CAB39L: variants seen among roughly 807,000 people sequenced by gnomAD.
CAB39L encodes the protein calcium-binding protein 39-like.
Under a neutral mutation model 39.1 loss-of-function variants are expected in CAB39L, and 23 were observed. The observed-to-expected ratio is 0.59, with a 90% CI of 0.42 to 0.83. CAB39L has a LOEUF of 0.83. Ranked by LOEUF, CAB39L falls within the 40% of genes least tolerant of loss-of-function variation. The pLI is 0.00. For missense variants in CAB39L, 366 were observed against 391.9 expected (o/e 0.93, Z 0.56); for synonymous variants, 126 against 137.2 (o/e 0.92, Z 0.57).
At chr13:49,344,396 T>TACA (rs1160451035) in intron 7 of CAB39L, among the ~76,000 whole-genome samples, 158 bp from the exon 8 acceptor site, 1 of 152,186 alleles carries the variant, frequency 6.6e-6, no homozygotes, top group East Asian at 1.9e-4. Flanking sequence ...AGATGTGAAA[T>TACA]ACAAGTTTGT....
intron 1 of CAB39L, among the ~76,000 whole-genome samples, chr13:49,434,566 A>G (rs1957378420): frequency 1.3e-5 from 2 of 152,186 alleles, no homozygotes; most frequent in African/African-American, 4.8e-5. Flanking sequence ...TCCAACAACT[A>G]TCAACATTTT....
At chr13:49,327,226 G>A (rs138645500) in intron 10 of CAB39L, among the ~76,000 whole-genome samples, 49 of 151,828 alleles carry the variant, frequency 3.2e-4, no homozygotes, top group Middle Eastern at 3.4e-3. Flanking sequence ...GTATGATATC[G>A]CTTATTCTCT....
chr13:49,420,874 A>G (rs1008753826), intron 3 of CAB39L, among the ~76,000 whole-genome samples: 1 of 152,234 alleles, frequency 6.6e-6, no homozygotes, highest in Admixed American at 6.5e-5. Flanking sequence ...TACATTTAAT[A>G]TAACAGTAAA....
intron 1 of CAB39L, among the ~76,000 whole-genome samples, chr13:49,439,920 G>GTTTTTTTTTT (rs1270438947): frequency 6.3e-4 from 26 of 41,342 alleles, no homozygotes; most frequent in African/African-American, 2.0e-3. Context: ...CTTTTTAATG[G>GTTTTTTTTTT]GTTTTTTTTT....
intron 3 of CAB39L, among the ~76,000 whole-genome samples, chr13:49,387,522 T>G (rs1376694057): frequency 2.0e-5 from 3 of 152,158 alleles, no homozygotes; most frequent in Non-Finnish European, 4.4e-5. Flanking sequence ...CAGCAGGCCA[T>G]GCAGCACAGA....
chr13:49,323,583 C>T (rs1462982679), intron 10 of CAB39L, among the ~76,000 whole-genome samples: 3 of 151,446 alleles, frequency 2.0e-5, no homozygotes, highest in Non-Finnish European at 4.4e-5. Context: ...GGGGAAGCCG[C>T]CTGCACAAAA....
chr13:49,369,444 C>T (rs1013179253), intron 5 of CAB39L, among the ~76,000 whole-genome samples: 1 of 152,222 alleles, frequency 6.6e-6, no homozygotes, highest in African/African-American at 2.4e-5. Context: ...GTTATGCTGA[C>T]AGAAGCCAGG....
chr13:49,383,745 C>T (rs778647703), intron 3 of CAB39L, among the ~76,000 whole-genome samples: 3 of 152,214 alleles, frequency 2.0e-5, no homozygotes, highest in Admixed American at 6.5e-5. Flanking sequence ...AGCACACCAA[C>T]ATGGCACATG....
chr13:49,429,992 G>A (rs927196287), intron 3 of CAB39L, among the ~76,000 whole-genome samples: 1 of 151,768 alleles, frequency 6.6e-6, no homozygotes, highest in East Asian at 1.9e-4. Context: ...ACATTCATTT[G>A]TACAAAAAAA....
chr13:49,312,358 G>A (rs748342337), intron 10 of CAB39L, among the ~76,000 whole-genome samples: 2 of 152,180 alleles, frequency 1.3e-5, no homozygotes, highest in Non-Finnish European at 2.9e-5. Flanking sequence ...TGCCAGTCCT[G>A]TAAGCTCCAT....
intron 10 of CAB39L, among the ~76,000 whole-genome samples, chr13:49,320,728 G>T (rs376906872): frequency 6.6e-6 from 1 of 152,106 alleles, no homozygotes; most frequent in Non-Finnish European, 1.5e-5. Context: ...CCACCCCATC[G>T]AAGTGTCAAA....
At chr13:49,329,572 T>C (rs1190709581) in intron 10 of CAB39L, among the ~76,000 whole-genome samples, 3 of 79,192 alleles carry the variant, frequency 3.8e-5, no homozygotes, top group African/African-American at 1.6e-4. Context: ...TATATATATA[T>C]ATATATATAT....
At chr13:49,348,688 T>C (rs1201543056) in intron 7 of CAB39L, among the ~76,000 whole-genome samples, 1 of 152,128 alleles carries the variant, frequency 6.6e-6, no homozygotes, top group African/African-American at 2.4e-5. Context: ...TTCCAAATAT[T>C]CCCATCATTC....
At chr13:49,410,952 GT>G (rs1956977339) in intron 3 of CAB39L, among the ~76,000 whole-genome samples, 1 of 151,830 alleles carries the variant, frequency 6.6e-6, no homozygotes, top group Admixed American at 6.6e-5. Flanking sequence ...AGAACAATTA[GT>G]TTTAATAACT....
chr13:49,344,060 G>C (rs1387189980), intron 8 of CAB39L, 119 bp downstream of exon 8: 1 of 693,330 alleles, frequency 1.4e-6, no homozygotes, highest in Admixed American at 2.8e-5. Flanking sequence ...AGACAAATCA[G>C]GAGTATGGTT....
intron 9 of CAB39L, among the ~76,000 whole-genome samples, chr13:49,333,929 G>A (rs1422780510): frequency 6.6e-6 from 1 of 152,088 alleles, no homozygotes; most frequent in Non-Finnish European, 1.5e-5. Context: ...CTGCTGGACT[G>A]TCACACTTAG....
chr13:49,442,801 A>AT (rs1957557188), intron 1 of CAB39L, among the ~76,000 whole-genome samples: 1 of 150,310 alleles, frequency 6.7e-6, no homozygotes, highest in South Asian at 2.1e-4. Flanking sequence ...AAAAAAAAAA[A>AT]AAAAAAAAAA....
chr13:49,361,572 AG>A (rs1955638568), intron 5 of CAB39L, among the ~76,000 whole-genome samples: 2 of 78,764 alleles, frequency 2.5e-5, no homozygotes, highest in African/African-American at 9.6e-5. Context: ...AAAGAAAGAA[AG>A]AAAGAAAGAA....
chr13:49,377,844 T>G lies in CAB39L; in HGVS notation c.112-713A>C, dbSNP rs1264916452. ...CTGGGATGTGAGGAGCCCCTCTGCCTGGCTGCCCAGTCTGGAAAGTGAGGA... is the reference window on the plus strand; with the variant it reads ...CTGGGATGTGAGGAGCCCCTCTGCCGGGCTGCCCAGTCTGGAAAGTGAGGA... On this transcript the variant is annotated intron_variant, in intron 4 of 10. Transcript: ENST00000409308. Among the ~76,000 whole-genome samples the G allele has an allele frequency of 2.6e-5, 2 of 76,888 alleles. 1 individual carries two copies. The highest frequency in any genetic ancestry group is 5.2e-5 in the Non-Finnish European group (2 of 38,386). 50.4% of individuals were successfully genotyped at this position (76,888 alleles called of 152,430 possible). A position where few individuals can be genotyped will look rare whatever the true frequency, so the allele number is the denominator to read the frequency against.
Sources: allele counts gnomAD v4.1 joint callset (sites outside exome capture counted in the v4.1 genomes callset), GRCh38; gene constraint gnomAD v4.1.1; transcripts MANE v1.5; gene names NCBI Gene and HGNC (gene_info 2026-07-23, HGNC 2026-07-21).